APPBP2: variants seen among roughly 807,000 people sequenced by gnomAD.
APPBP2 encodes the protein amyloid protein-binding protein 2.
APPBP2 carries 15 observed loss-of-function variants against 76.0 expected under a neutral mutation model. The observed-to-expected ratio is 0.20, with a 90% CI of 0.13 to 0.30. APPBP2 has a LOEUF of 0.30. Among genes scored for constraint, APPBP2 ranks in the 10% least tolerant of loss-of-function variants. The pLI is 1.00. For synonymous variants in APPBP2, 222 were observed against 242.2 expected (o/e 0.92, Z 0.77); for missense variants, 401 against 687.2 (o/e 0.58, Z 4.66).
Position 60,447,548 on chromosome 17 carries a change from G to T in APPBP2, c.*33C>A, listed in dbSNP as rs771221695. The T allele has an allele frequency of 6.4e-7, 1 of 1,564,262 alleles. No homozygotes were observed. The highest frequency in any genetic ancestry group is 8.6e-7 in the Non-Finnish European group (1 of 1,156,712). On this transcript the variant is annotated 3_prime_UTR_variant, in exon 13 of 13. Coordinates refer to ENST00000083182, the MANE Select transcript of APPBP2 (RefSeq NM_006380.5). ...TCACAGTATGAATTCCCTGGAATCC[G>T]GGAAAAGGTAATTGGTTAACTGAGG...
At chr17:60,490,919 C>T (rs1343099886) in intron 3 of APPBP2, among the ~76,000 whole-genome samples, 1 of 152,118 alleles carries the variant, frequency 6.6e-6, no homozygotes, top group African/African-American at 2.4e-5. Context: ...ACCTCATTTT[C>T]CTTTATAAAT....
At position 60,526,168 on chromosome 17, in the gene APPBP2, C is replaced by G. The variant is rs2091053949; in HGVS notation, c.-237G>C. 1.9e-6 allele frequency: 1 copy of G among 524,342 alleles called. No individual in the cohort carries two copies. Among genetic ancestry groups the G allele is most frequent in the Non-Finnish European group, 3.5e-6 (1 of 289,310 alleles). 32.5% of individuals were successfully genotyped at this position (524,342 alleles called of 1,614,324 possible). A position where few individuals can be genotyped will look rare whatever the true frequency, so the allele number is the denominator to read the frequency against. On this transcript the variant is annotated 5_prime_UTR_variant, in exon 1 of 13. Transcript: ENST00000083182. The stretch of plus-strand genomic sequence containing the variant: ...AAACAGCGGCCAGCCAGGCCAAAAG[C>G]GTCACAATCCCGGTTCGAGAGGAAC...
intron 1 of APPBP2, among the ~76,000 whole-genome samples, chr17:60,525,239 A>C (rs1481134143): frequency 1.3e-5 from 2 of 152,272 alleles, no homozygotes; most frequent in Non-Finnish European, 2.9e-5. Flanking sequence ...AAAGCTTTAA[A>C]GAATATGCAA....
At chr17:60,460,918 GT>G in intron 8 of APPBP2, 131 bp from the exon 9 acceptor site, 1 of 871,198 alleles carries the variant, frequency 1.1e-6, no homozygotes, top group Non-Finnish European at 1.6e-6. Context: ...AAGTCCTGCT[GT>G]ATTTAAATTA....
At chr17:60,519,703 T>C (rs1348249299) in intron 1 of APPBP2, among the ~76,000 whole-genome samples, 2 of 152,056 alleles carry the variant, frequency 1.3e-5, no homozygotes, top group African/African-American at 4.8e-5. Context: ...AGAAGAAATT[T>C]TGGTCATTTC....
Position 60,447,197 on chromosome 17 carries a change from G to A in APPBP2, c.*384C>T, listed in dbSNP as rs941609169. 6.1e-6 allele frequency: 1 copy of A among 163,898 alleles called. No homozygotes were observed. Among genetic ancestry groups the A allele is most frequent in the Non-Finnish European group, 1.3e-5 (1 of 75,400 alleles). The allele number at this position is 163,898 out of a possible 1,614,324, so 10.2% of individuals were successfully genotyped here. A position where few individuals can be genotyped will look rare whatever the true frequency, so the allele number is the denominator to read the frequency against. Reference sequence around the variant, plus strand: ...ACATGGAAGAATTACATATTAAAAAGTTGTTAAAATCATCCTTACATAATA... The same window carrying A: ...ACATGGAAGAATTACATATTAAAAAATTGTTAAAATCATCCTTACATAATA... On this transcript the variant is annotated 3_prime_UTR_variant, in exon 13 of 13. Coordinates refer to ENST00000083182, the MANE Select transcript of APPBP2 (RefSeq NM_006380.5).
chr17:60,493,129 T>G (rs2090743723), intron 3 of APPBP2, among the ~76,000 whole-genome samples: 1 of 152,218 alleles, frequency 6.6e-6, no homozygotes. Flanking sequence ...ATATAAGACA[T>G]GCCTTCCACC....
At chr17:60,505,685 T>TG (rs1378494078) in intron 1 of APPBP2, among the ~76,000 whole-genome samples, 1 of 136,452 alleles carries the variant, frequency 7.3e-6, no homozygotes, top group African/African-American at 3.1e-5. Context: ...GGTTTTTTTT[T>TG]TTTTTTTTTT....
At chr17:60,481,360 G>A (rs961723020) in intron 3 of APPBP2, among the ~76,000 whole-genome samples, 18 of 152,144 alleles carry the variant, frequency 1.2e-4, no homozygotes, top group African/African-American at 4.3e-4. Context: ...GGAGGCCAAG[G>A]TGGAAGGATC....
At chr17:60,516,271 C>T (rs1303456049) in intron 1 of APPBP2, among the ~76,000 whole-genome samples, 1 of 152,064 alleles carries the variant, frequency 6.6e-6, no homozygotes, top group East Asian at 1.9e-4. Flanking sequence ...AAACAAACAT[C>T]CCATTAGTTA....
At chr17:60,516,887 T>C (rs985378212) in intron 1 of APPBP2, among the ~76,000 whole-genome samples, 2 of 152,242 alleles carry the variant, frequency 1.3e-5, no homozygotes, top group African/African-American at 4.8e-5. Flanking sequence ...AGTACTTCTC[T>C]GAAGACAAAA....
At chr17:60,522,285 T>C (rs954746823) in intron 1 of APPBP2, among the ~76,000 whole-genome samples, 55 of 152,196 alleles carry the variant, frequency 3.6e-4, no homozygotes, top group Non-Finnish European at 8.8e-5. Context: ...ACTCACCTCC[T>C]AATTCATGAC....
chr17:60,479,877 T>C (rs1271577520), intron 3 of APPBP2, among the ~76,000 whole-genome samples: 1 of 152,202 alleles, frequency 6.6e-6, no homozygotes, highest in Admixed American at 6.5e-5. Context: ...AACTCACTCA[T>C]TTAACTTTCA....
intron 6 of APPBP2, among the ~76,000 whole-genome samples, 173 bp downstream of exon 6, chr17:60,463,848 A>G (rs1057328551): frequency 1.3e-5 from 2 of 152,248 alleles, no homozygotes; most frequent in African/African-American, 4.8e-5. Context: ...TCTATGTGTG[A>G]TATAGTTTTA....
chr17:60,464,561 G>A (rs1273862110), intron 5 of APPBP2, among the ~76,000 whole-genome samples: 2 of 152,114 alleles, frequency 1.3e-5, no homozygotes, highest in African/African-American at 4.8e-5. Flanking sequence ...CCCAGCTACT[G>A]TCCAAAGTAT....
At chr17:60,479,024 C>A in intron 4 of APPBP2, 124 bp downstream of exon 4, 1 of 937,630 alleles carries the variant, frequency 1.1e-6, no homozygotes. Context: ...ACTAGTGAAA[C>A]TATGACATAT....
chr17:60,454,635 A>T, intron 10 of APPBP2, 143 bp from the exon 11 acceptor site: 1 of 509,104 alleles, frequency 2.0e-6, no homozygotes, highest in Admixed American at 4.0e-5. Context: ...AAGATGAAAG[A>T]ATTCCACTTT....
chr17:60,510,902 T>TATG (rs774048526), intron 1 of APPBP2, among the ~76,000 whole-genome samples: 18 of 152,214 alleles, frequency 1.2e-4, no homozygotes, highest in Non-Finnish European at 2.2e-4. Context: ...GCTGTCCATT[T>TATG]ATGATGATGA....
At chr17:60,486,896 C>G (rs2090683764) in intron 3 of APPBP2, among the ~76,000 whole-genome samples, 1 of 152,122 alleles carries the variant, frequency 6.6e-6, no homozygotes, top group Non-Finnish European at 1.5e-5. Context: ...CTGGTGGTGA[C>G]AAAATCTCTC....
Sources: allele counts gnomAD v4.1 joint callset (sites outside exome capture counted in the v4.1 genomes callset), GRCh38; gene constraint gnomAD v4.1.1; transcripts MANE v1.5; gene names NCBI Gene and HGNC (gene_info 2026-07-23, HGNC 2026-07-21).